Variants in CLIP4 observed in about 807,000 individuals in gnomAD.
CLIP4 encodes the protein CAP-Gly domain-containing linker protein 4.
Under a neutral mutation model 73.1 loss-of-function variants are expected in CLIP4, and 47 were observed. That is an observed-to-expected ratio of 0.64 (90% CI 0.51 to 0.82). The LOEUF is 0.82. Ranked by LOEUF, CLIP4 falls within the 40% of genes least tolerant of loss-of-function variation. The pLI is 0.00. For missense variants in CLIP4, 874 were observed against 852.9 expected (o/e 1.02, Z -0.31); for synonymous variants, 306 against 295.4 (o/e 1.04, Z -0.37).
intron 1 of CLIP4, among the ~76,000 whole-genome samples, chr2:29,107,358 GTTTTTT>G (rs796180363): frequency 0.18 from 11,511 of 65,520 alleles, 886 homozygotes; most frequent in Middle Eastern, 0.21. Context: ...GAACATGATA[GTTTTTT>G]TTTTTTTTTT....
At chr2:29,155,505 A>G (rs1666866408) in intron 9 of CLIP4, among the ~76,000 whole-genome samples, 1 of 152,206 alleles carries the variant, frequency 6.6e-6, no homozygotes, top group Admixed American at 6.5e-5. Flanking sequence ...TATTATACTT[A>G]TTATACCACA....
chr2:29,123,809 AAAAG>A (rs1319640689), intron 2 of CLIP4, among the ~76,000 whole-genome samples: 1 of 152,182 alleles, frequency 6.6e-6, no homozygotes. Context: ...CAAAGAAACA[AAAAG>A]AAACCAGTCC....
At chr2:29,138,165 CTTGAG>C (rs1215916272) in intron 6 of CLIP4, among the ~76,000 whole-genome samples, 1 of 152,076 alleles carries the variant, frequency 6.6e-6, no homozygotes, top group Non-Finnish European at 1.5e-5. Flanking sequence ...TTAAATCCAT[CTTGAG>C]TTAATTTTTG....
At chr2:29,127,050 G>A (rs1664653610) in intron 2 of CLIP4, among the ~76,000 whole-genome samples, 1 of 151,992 alleles carries the variant, frequency 6.6e-6, no homozygotes, top group African/African-American at 2.4e-5. Context: ...ATAATCACAG[G>A]CTAATTTGTT....
At chr2:29,173,804 G>A (rs1370445121) in intron 14 of CLIP4, among the ~76,000 whole-genome samples, 1 of 151,992 alleles carries the variant, frequency 6.6e-6, no homozygotes, top group Non-Finnish European at 1.5e-5. Flanking sequence ...TATTTGGAGA[G>A]GCCAACAATC....
At chr2:29,130,989 T>G in intron 2 of CLIP4, 9 of 1,068,014 alleles carry the variant, frequency 8.4e-6, no homozygotes, top group Non-Finnish European at 1.1e-5. Context: ...CTGTGCGATG[T>G]TGAGCTGGTA....
At position 29,161,851 on chromosome 2, in the gene CLIP4, C is replaced by T. The variant is rs561901785; in HGVS notation, c.1534+1384C>T. 1.7e-4 allele frequency among the ~76,000 whole-genome samples: 26 copies of T among 152,248 alleles called. No homozygotes were observed. In the South Asian group the frequency reaches 3.7e-3, roughly 22 times the overall value. On this transcript the variant is annotated intron_variant, in intron 12 of 15. Coordinates refer to ENST00000320081, the MANE Select transcript of CLIP4 (RefSeq NM_024692.6). ...ATGTTTATGAAAAGGTAGTCTAGAA[C>T]GAAAGTAGTCACTGCCTCTACCCAT...
At chr2:29,114,612 C>T (rs898562237), upstream of CLIP4, among the ~76,000 whole-genome samples, 1 of 152,170 alleles carries the variant, frequency 6.6e-6, no homozygotes, top group Non-Finnish European at 1.5e-5. Context: ...TTTTTCCAGT[C>T]CCTGAAATCA....
At chr2:29,138,886 A>G (rs1156650184) in intron 6 of CLIP4, among the ~76,000 whole-genome samples, 1 of 152,120 alleles carries the variant, frequency 6.6e-6, no homozygotes, top group Non-Finnish European at 1.5e-5. Context: ...TATCAGGTCT[A>G]GGAGGTTTTT....
In CLIP4 at chr2:29,167,484, A is replaced by G; in HGVS notation, c.1667A>G (p.Asp556Gly). Residue 556 changes from aspartate (D) to glycine (G), a missense_variant, in exon 14 of 16, where the codon GAT (aspartate) becomes GGT (glycine). Transcript: ENST00000320081. ...CTTTGTTTTATTCATAGAGTAACAG[A>G]TTCCCTGGATACCCTTTCAGAAATT... Reference protein sequence around the residue: ...APPSRVQRVTDSLDTLSEISS... With the variant: ...APPSRVQRVTGSLDTLSEISS... 1 of 1,607,384 alleles carries G rather than the reference A, an allele frequency of 6.2e-7. No individual in the cohort carries two copies. Among genetic ancestry groups the G allele is most frequent in the Non-Finnish European group, 8.5e-7 (1 of 1,176,866 alleles).
intron 8 of CLIP4, 33 bp downstream of exon 8, chr2:29,145,400 T>A (rs1465791116): frequency 6.6e-7 from 1 of 1,514,228 alleles, no homozygotes; most frequent in Middle Eastern, 1.7e-4. Flanking sequence ...CGGTAAGAAT[T>A]AATTAAAAAT....
intron 1 of CLIP4, among the ~76,000 whole-genome samples, chr2:29,100,642 T>C (rs896926589): frequency 5.9e-5 from 9 of 151,758 alleles, no homozygotes; most frequent in Non-Finnish European, 1.0e-4. Flanking sequence ...AATTTGGTTT[T>C]AAGGTGTGTC....
Position 29,115,951 on chromosome 2 carries a change from T to C in CLIP4, c.-16+286T>C, listed in dbSNP as rs891941680. Among the ~76,000 whole-genome samples, 10 of 151,876 alleles carry C rather than the reference T, an allele frequency of 6.6e-5. No individual in the cohort carries two copies. Among genetic ancestry groups the C allele is most frequent in the Non-Finnish European group, 1.2e-4 (8 of 67,924 alleles). ...ACTTTAGGTTGAGGGGCGCGGGGTG[T>C]GCGGGACCCGGCGGCGGAGCTGGGC... On this transcript the variant is annotated intron_variant, in intron 1 of 15. Transcript: ENST00000320081. The surrounding 1 kb of genome is among the most constrained non-coding windows in gnomAD (Gnocchi z 5.1).
chr2:29,132,327 C>A (rs1665034097), intron 4 of CLIP4, 82 bp downstream of exon 4: 4 of 1,144,230 alleles, frequency 3.5e-6, no homozygotes, highest in South Asian at 1.3e-5. Flanking sequence ...CATATATTGT[C>A]TGGGGGAAGG....
intron 15 of CLIP4, among the ~76,000 whole-genome samples, chr2:29,177,025 CTT>C (rs996653701): frequency 6.6e-6 from 1 of 152,166 alleles, no homozygotes; most frequent in African/African-American, 2.4e-5. Context: ...ACGATTGGCT[CTT>C]GTGTTTCCCT....
At chr2:29,108,991 C>T (rs1668309734) in intron 1 of CLIP4, among the ~76,000 whole-genome samples, 1 of 152,180 alleles carries the variant, frequency 6.6e-6, no homozygotes, top group Admixed American at 6.5e-5. Context: ...TTTTGGTTGT[C>T]AGAATTGGGT....
At chr2:29,139,551 G>A (rs780017894) in intron 6 of CLIP4, among the ~76,000 whole-genome samples, 1 of 152,044 alleles carries the variant, frequency 6.6e-6, no homozygotes, top group Non-Finnish European at 1.5e-5. Context: ...ATTTTGGTAG[G>A]ATTGTTATCA....
chr2:29,157,146 C>T, intron 10 of CLIP4, 58 bp from the exon 11 acceptor site: 1 of 1,474,478 alleles, frequency 6.8e-7, no homozygotes, highest in South Asian at 1.1e-5. Flanking sequence ...CCTTGACAAG[C>T]TGCTTCTTGG....
chr2:29,150,809 G>A (rs1337991684), intron 8 of CLIP4, among the ~76,000 whole-genome samples: 3 of 151,782 alleles, frequency 2.0e-5, no homozygotes, highest in Non-Finnish European at 2.9e-5. Flanking sequence ...TAGTAGAGAT[G>A]GGGTTTCACC....
Sources: gnomAD v4.1 joint callset for allele counts (sites outside exome capture counted in the v4.1 genomes callset) on GRCh38, gnomAD v4.1.1 for gene constraint, Gnocchi (gnomAD v3.1) non-coding constraint, MANE v1.5 for transcripts, NCBI Gene and HGNC (gene_info 2026-07-23, HGNC 2026-07-21) for gene names.